Variants in PTPRN2 observed in about 807,000 individuals in gnomAD.
PTPRN2 encodes the protein receptor-type tyrosine-protein phosphatase N2.
PTPRN2 carries 74 observed loss-of-function variants against 118.8 expected under a neutral mutation model. The observed-to-expected ratio is 0.62, with a 90% CI of 0.52 to 0.76. The LOEUF (loss-of-function observed/expected upper bound fraction) is 0.76. Ranked by LOEUF, PTPRN2 falls within the 30% of genes least tolerant of loss-of-function variation. The pLI, the probability that PTPRN2 is intolerant of heterozygous loss-of-function variation, is 0.00. For synonymous variants in PTPRN2, 641 were observed against 608.0 expected (o/e 1.05, Z -0.80); for missense variants, 1,481 against 1,394.4 (o/e 1.06, Z -0.99).
chr7:157,870,330 T>C (rs1810975798), intron 12 of PTPRN2, among the ~76,000 whole-genome samples: 1 of 152,224 alleles, frequency 6.6e-6, no homozygotes, highest in Admixed American at 6.5e-5. Flanking sequence ...TCTGCCACTA[T>C]AGGATTCATC....
chr7:158,550,398 A>G (rs1213244592), intron 1 of PTPRN2, among the ~76,000 whole-genome samples: 1 of 152,232 alleles, frequency 6.6e-6, no homozygotes, highest in East Asian at 1.9e-4. Flanking sequence ...TTTGGAAGCC[A>G]TGCACTCGGC....
chr7:157,824,773 C>G (rs985593228), intron 12 of PTPRN2, among the ~76,000 whole-genome samples: 4 of 152,132 alleles, frequency 2.6e-5, no homozygotes, highest in Non-Finnish European at 4.4e-5. Context: ...AGTGCTGTGC[C>G]CCAAATACTT....
chr7:157,553,583 GAA>G (rs1239906217), intron 21 of PTPRN2, among the ~76,000 whole-genome samples: 1 of 152,210 alleles, frequency 6.6e-6, no homozygotes, highest in Non-Finnish European at 1.5e-5. Context: ...AAGGGAAGGA[GAA>G]AGACTTGCCG....
intron 11 of PTPRN2, among the ~76,000 whole-genome samples, chr7:158,050,906 C>T (rs1809275544): frequency 6.6e-6 from 1 of 152,264 alleles, no homozygotes; most frequent in Admixed American, 6.5e-5. Context: ...CTTGCCCCTC[C>T]CGCTGGAAGT....
At chr7:158,076,023 T>C (rs1812330353) in intron 11 of PTPRN2, among the ~76,000 whole-genome samples, 1 of 152,246 alleles carries the variant, frequency 6.6e-6, no homozygotes, top group Admixed American at 6.5e-5. Context: ...GGGATCCCTG[T>C]GCCTGGAAGA....
chr7:158,438,790 C>A lies in PTPRN2; in HGVS notation c.163+50945G>T, dbSNP rs927623299. Among the ~76,000 whole-genome samples the A allele has an allele frequency of 6.6e-6, 1 of 152,156 alleles. No homozygotes were observed. Among genetic ancestry groups the A allele is most frequent in the Admixed American group, 6.5e-5 (1 of 15,288 alleles). Reference sequence around the variant, plus strand: ...ACACTCTGACCAGGGGTCAGCAAACCAGAGCCCCGGGACCTACCCCACCTG... The same window carrying A: ...ACACTCTGACCAGGGGTCAGCAAACAAGAGCCCCGGGACCTACCCCACCTG... On this transcript the variant is annotated intron_variant, in intron 2 of 22. Transcript: ENST00000389418. This position sits in a 1 kb window ranked among gnomAD's most constrained non-coding sequence, Gnocchi z 4.7.
At chr7:157,544,369 T>C (rs1436856663) in intron 22 of PTPRN2, among the ~76,000 whole-genome samples, 1 of 152,212 alleles carries the variant, frequency 6.6e-6, no homozygotes, top group Non-Finnish European at 1.5e-5. Flanking sequence ...GCCCTGCTTC[T>C]GGGACGGAGG....
intron 2 of PTPRN2, among the ~76,000 whole-genome samples, chr7:158,342,254 C>T (rs1807023383): frequency 2.2e-5 from 3 of 138,940 alleles, no homozygotes. Context: ...CTGACGCCCG[C>T]AGACGTCACT....
chr7:158,116,730 A>G (rs1277293610), intron 9 of PTPRN2, among the ~76,000 whole-genome samples: 2 of 152,066 alleles, frequency 1.3e-5, no homozygotes, highest in African/African-American at 4.8e-5. Flanking sequence ...GCTAACACCC[A>G]TTTTTCCCAC....
rs775122086 is a variant in PTPRN2, at chr7:158,133,730, CAAT to C, written c.1500_1502del (p.Leu501del). 1.2e-6 allele frequency: 2 copies of C among 1,611,998 alleles called. No individual in the cohort carries two copies. The highest frequency in any genetic ancestry group is 1.7e-6 in the Non-Finnish European group (2 of 1,178,834). On this transcript the variant is annotated inframe_deletion, in exon 9 of 23. Coordinates refer to ENST00000389418, the MANE Select transcript of PTPRN2 (RefSeq NM_002847.5). ...CCTCTTCCTCGGAAGGCTGGACCTC[CAAT>C]TGCAGGCCGTCGCTGAGGGCCTCCT... is the stretch of plus-strand genomic sequence containing the variant.
intron 2 of PTPRN2, among the ~76,000 whole-genome samples, chr7:158,392,595 G>T (rs1186002895): frequency 6.6e-6 from 1 of 152,162 alleles, no homozygotes; most frequent in African/African-American, 2.4e-5. Context: ...GTGTCCGTGG[G>T]GGAGGAGTCA....
chr7:157,940,298 G>T (rs559760027), intron 11 of PTPRN2, among the ~76,000 whole-genome samples: 1 of 152,194 alleles, frequency 6.6e-6, no homozygotes, highest in South Asian at 2.1e-4. Context: ...ATTTTATAAG[G>T]TCTGTGCTCC....
chr7:158,573,598 C>T (rs1367638116), intron 1 of PTPRN2, among the ~76,000 whole-genome samples: 1 of 152,174 alleles, frequency 6.6e-6, no homozygotes, highest in Non-Finnish European at 1.5e-5. Context: ...AACAGCAAGT[C>T]ACTCCCCATG....
At chr7:158,092,943 T>G (rs1186381906) in intron 10 of PTPRN2, among the ~76,000 whole-genome samples, 1 of 152,228 alleles carries the variant, frequency 6.6e-6, no homozygotes, top group East Asian at 1.9e-4. Context: ...CTAAGGCAAC[T>G]CATTTGGCAA....
At position 158,331,837 on chromosome 7, in the gene PTPRN2, CG is replaced by C. The variant is rs1563153168; in HGVS notation, c.164-14906del. Among the ~76,000 whole-genome samples the C allele has an allele frequency of 1.9e-5, 2 of 105,274 alleles. 1 individual carries two copies. The highest frequency in any genetic ancestry group is 4.4e-5 in the Non-Finnish European group (2 of 45,566). 69.1% of individuals were successfully genotyped at this position (105,274 alleles called of 152,430 possible). A position where few individuals can be genotyped will look rare whatever the true frequency, so the allele number is the denominator to read the frequency against. ...CACCCTAAGAGGTGACACCCGCAGA[CG>C]ACACTAACAACCAGATTCTCACCAT... On this transcript the variant is annotated intron_variant, in intron 2 of 22. Coordinates refer to ENST00000389418, the MANE Select transcript of PTPRN2 (RefSeq NM_002847.5).
chr7:158,094,603 G>A (rs1378453300), intron 10 of PTPRN2, among the ~76,000 whole-genome samples: 1 of 152,094 alleles, frequency 6.6e-6, no homozygotes, highest in Non-Finnish European at 1.5e-5. Flanking sequence ...CACTGCTCCC[G>A]GCCCCCATCT....
Position 157,784,542 on chromosome 7 carries a change from C to A in PTPRN2, c.1789-101605G>T, listed in dbSNP as rs1163874639. Among the ~76,000 whole-genome samples, 1 of 152,198 alleles carries A rather than the reference C, an allele frequency of 6.6e-6. No homozygotes were observed. The highest frequency in any genetic ancestry group is 2.4e-5 in the African/African-American group (1 of 41,460). On this transcript the variant is annotated intron_variant, in intron 12 of 22. Transcript: ENST00000389418. This position sits in a 1 kb window ranked among gnomAD's most constrained non-coding sequence, Gnocchi z 4.6. ...CTCAGCGCTGGAGAGAAAGCCCTAT[C>A]CCGCTCGGCCTGACCCTCCTCTCCA...
intron 14 of PTPRN2, among the ~76,000 whole-genome samples, chr7:157,654,848 G>T (rs2150735207): frequency 6.6e-6 from 1 of 152,334 alleles, no homozygotes; most frequent in African/African-American, 2.4e-5. Flanking sequence ...AGCTCGCTAA[G>T]CGGCTCTCCT....
chr7:158,250,292 TTC>T (rs1244286394), intron 3 of PTPRN2, among the ~76,000 whole-genome samples: 1 of 152,156 alleles, frequency 6.6e-6, no homozygotes, highest in Non-Finnish European at 1.5e-5. Context: ...AATGTGGATA[TTC>T]TCTCATTCCT....
Sources: gnomAD v4.1 joint callset for allele counts (sites outside exome capture counted in the v4.1 genomes callset) on GRCh38, gnomAD v4.1.1 for gene constraint, Gnocchi (gnomAD v3.1) non-coding constraint, MANE v1.5 for transcripts, NCBI Gene and HGNC (gene_info 2026-07-23, HGNC 2026-07-21) for gene names.